Variants in NRP1 observed in about 807,000 individuals in gnomAD.
NRP1 encodes the protein neuropilin-1.
In NRP1, 35 loss-of-function variants were observed where a neutral mutation model predicts 106.7. That is an observed-to-expected ratio of 0.33 (90% confidence interval 0.25 to 0.43). The LOEUF is 0.43. NRP1 is among the 20% of genes least tolerant of loss of function. NRP1 has a pLI of 1.00. For missense variants in NRP1, 1,024 were observed against 1,170.4 expected, an observed-to-expected ratio of 0.87 and a Z score of 1.83; for synonymous variants, 437 against 417.9, an observed-to-expected ratio of 1.05 and a Z score of -0.56.
At chr10:33,289,605 A>G (rs1239288234) in intron 2 of NRP1, among the ~76,000 whole-genome samples, 1 of 152,206 alleles carries the variant, frequency 6.6e-6, no homozygotes, top group Non-Finnish European at 1.5e-5. Flanking sequence ...TATCTTTTAA[A>G]GAAATTTGCT....
chr10:33,307,654 A>G (rs1429760411), intron 2 of NRP1, among the ~76,000 whole-genome samples: 1 of 152,204 alleles, frequency 6.6e-6, no homozygotes, highest in Non-Finnish European at 1.5e-5. Flanking sequence ...AATCTCTTCT[A>G]AAGAAATCCC....
At chr10:33,246,516 A>T (rs1271307440) in intron 6 of NRP1, among the ~76,000 whole-genome samples, 2 of 152,068 alleles carry the variant, frequency 1.3e-5, no homozygotes, top group East Asian at 3.9e-4. Context: ...AATTTTTTTT[A>T]AAGCAAATTG....
chr10:33,330,643 C>G, intron 2 of NRP1, 65 bp downstream of exon 2: 2 of 1,418,182 alleles, frequency 1.4e-6, no homozygotes, highest in Admixed American at 2.1e-5. Flanking sequence ...CCGACTTCCC[C>G]CCCGTAGACA....
intron 6 of NRP1, chr10:33,249,449 A>C: frequency 1.9e-6 from 1 of 526,044 alleles, no homozygotes; most frequent in African/African-American, 1.9e-5. Context: ...ATAGGAAAAG[A>C]AACTCAGTTT....
At chr10:33,294,242 G>A (rs796400878) in intron 2 of NRP1, among the ~76,000 whole-genome samples, 3 of 152,222 alleles carry the variant, frequency 2.0e-5, no homozygotes, top group African/African-American at 7.2e-5. Context: ...TAGCCAGAGT[G>A]TGACCTGGCA....
intron 2 of NRP1, among the ~76,000 whole-genome samples, chr10:33,282,465 T>C (rs976120769): frequency 6.6e-6 from 1 of 152,182 alleles, no homozygotes; most frequent in African/African-American, 2.4e-5. Flanking sequence ...AATTATTCAG[T>C]GGGGATCTAG....
intron 8 of NRP1, among the ~76,000 whole-genome samples, chr10:33,216,169 G>T (rs1164613375): frequency 7.1e-6 from 1 of 140,034 alleles, no homozygotes; most frequent in African/African-American, 2.7e-5. Flanking sequence ...AAGGAGTCTC[G>T]CTCTGTCTCC....
At chr10:33,214,112 G>A (rs1311662006) in intron 8 of NRP1, among the ~76,000 whole-genome samples, 1 of 152,184 alleles carries the variant, frequency 6.6e-6, no homozygotes, top group Non-Finnish European at 1.5e-5. Flanking sequence ...TAGCAGGAAG[G>A]TTGCTAAAAC....
intron 13 of NRP1, among the ~76,000 whole-genome samples, chr10:33,189,514 G>A (rs547813192): frequency 7.2e-5 from 11 of 152,290 alleles, no homozygotes; most frequent in African/African-American, 2.6e-4. Flanking sequence ...TTCCTCAAGC[G>A]TAGGGACCTC....
chr10:33,182,885 A>T (rs1835776356), intron 15 of NRP1, 137 bp from the exon 16 acceptor site: 1 of 712,874 alleles, frequency 1.4e-6, no homozygotes, highest in African/African-American at 1.9e-5. Flanking sequence ...CTCCTTTTGG[A>T]TTTTTTAGTT....
intron 9 of NRP1, 165 bp downstream of exon 9, chr10:33,213,221 T>C: frequency 6.4e-7 from 1 of 1,553,844 alleles, no homozygotes; most frequent in Non-Finnish European, 8.7e-7. Flanking sequence ...TTTCATGCCA[T>C]ATTCCTGTCT....
chr10:33,186,310 C>T lies in NRP1; in HGVS notation c.2241G>A (p.Glu747=). Residue 747 remains glutamate (E), a synonymous_variant, in exon 14 of 17, where the codon GAG becomes GAA. Transcript: ENST00000374867. ...TGGCCATCCAGACCAGCTGATCGTA[C>T]TCCTCTGGCTTCTGGTAGCGCAGTT... The part of the protein sequence containing the change: ...RVKLRYQKPE[E]YDQLVWMAIG... 1 of 1,614,148 alleles carries T rather than the reference C, an allele frequency of 6.2e-7. No individual in the cohort carries two copies.
At chr10:33,239,589 C>G (rs1840852967) in intron 6 of NRP1, among the ~76,000 whole-genome samples, 1 of 152,196 alleles carries the variant, frequency 6.6e-6, no homozygotes, top group Non-Finnish European at 1.5e-5. Flanking sequence ...GAAAAGTTCA[C>G]CACTTAAAAC....
rs571172240 is a variant in NRP1 at position 33,230,126 on chromosome 10, GTTCTTTCCACGAGTCCT to G, written c.982-3854_982-3838del. ...AACCCTCACTGCTAAGACCAGGGAA[GTTCTTTCCACGAGTCCT>G]TTCTCTTAATGCCTTAGGGGAATTC... On this transcript the variant is annotated intron_variant, in intron 6 of 16. Coordinates refer to ENST00000374867, the MANE Select transcript of NRP1 (RefSeq NM_003873.7). Among the ~76,000 whole-genome samples the G allele has an allele frequency of 1.8e-4, 27 of 152,286 alleles. No individual in the cohort carries two copies. In the East Asian group the frequency reaches 4.4e-3, roughly 25 times the overall value.
At chr10:33,300,464 G>A (rs1845723684) in intron 2 of NRP1, among the ~76,000 whole-genome samples, 1 of 152,198 alleles carries the variant, frequency 6.6e-6, no homozygotes, top group African/African-American at 2.4e-5. Flanking sequence ...CTCCCGCCCG[G>A]CCTGGACAGA....
chr10:33,238,341 A>T (rs988589184), intron 6 of NRP1, among the ~76,000 whole-genome samples: 2 of 152,246 alleles, frequency 1.3e-5, no homozygotes, highest in African/African-American at 4.8e-5. Flanking sequence ...TTCTCGCCTC[A>T]AACATTTAAG....
At chr10:33,333,015 C>T (rs981816758) in intron 1 of NRP1, among the ~76,000 whole-genome samples, 1 of 152,134 alleles carries the variant, frequency 6.6e-6, no homozygotes, top group African/African-American at 2.4e-5. Context: ...TTGTGGAGGA[C>T]AGGGTTACTA....
In NRP1 at chr10:33,329,117, C is replaced by A. The variant is rs562761970; in HGVS notation, c.248+1591G>T. On this transcript the variant is annotated intron_variant, in intron 2 of 16. Transcript: ENST00000374867. Reference sequence around the variant, plus strand: ...GTCTAGGTGATTGACACTGTAAAAACCACCATAAAGAATATTAGCAAAAAT... The same window carrying A: ...GTCTAGGTGATTGACACTGTAAAAAACACCATAAAGAATATTAGCAAAAAT... 1.4e-4 allele frequency among the ~76,000 whole-genome samples: 21 copies of A among 152,218 alleles called. No homozygotes were observed. The South Asian group carries it at 2.1e-3, about 15-fold the overall frequency.
intron 13 of NRP1, 98 bp downstream of exon 13, chr10:33,192,183 G>A (rs60607944): frequency 9.9e-6 from 13 of 1,307,936 alleles, no homozygotes; most frequent in African/African-American, 1.5e-5. Context: ...ATTCCTACCC[G>A]CCCTAAATTC....
Sources: allele counts gnomAD v4.1 joint callset (sites outside exome capture counted in the v4.1 genomes callset), GRCh38; gene constraint gnomAD v4.1.1; transcripts MANE v1.5; gene names NCBI Gene and HGNC (gene_info 2026-07-23, HGNC 2026-07-21).